The following TENM2 variants were observed in gnomAD, a reference collection of about 807,000 sequenced individuals.
The protein encoded by TENM2 is teneurin transmembrane protein 2.
TENM2 carries 52 observed loss-of-function variants against 245.2 expected under a neutral mutation model. That is an observed-to-expected ratio of 0.21 (90% CI 0.17 to 0.27). The LOEUF (loss-of-function observed/expected upper bound fraction) is 0.27. Among genes scored for constraint, TENM2 ranks in the 10% least tolerant of loss-of-function variants. The pLI is 1.00. For missense variants in TENM2, 3,046 were observed against 3,666.8 expected (o/e 0.83, Z 4.37); for synonymous variants, 1,363 against 1,438.9 (o/e 0.95, Z 1.19).
chr5:168,002,054 G>C (rs577551629), intron 5 of TENM2, among the ~76,000 whole-genome samples: 3 of 152,324 alleles, frequency 2.0e-5, no homozygotes, highest in South Asian at 4.1e-4. Context: ...TTCTGGGAAA[G>C]AGAAAAAAAT....
intron 2 of TENM2, among the ~76,000 whole-genome samples, chr5:167,619,728 T>A (rs542110932): frequency 6.6e-5 from 10 of 152,322 alleles, no homozygotes; most frequent in Non-Finnish European, 1.3e-4. Flanking sequence ...TTTAATAGAC[T>A]GCAGTCAGGC....
chr5:167,868,382 A>G (rs1772514534), intron 2 of TENM2, among the ~76,000 whole-genome samples: 1 of 152,088 alleles, frequency 6.6e-6, no homozygotes, highest in African/African-American at 2.4e-5. Context: ...ATAATATGAT[A>G]TAAATACAAA....
chr5:167,608,378 G>A (rs1054116699), intron 2 of TENM2, among the ~76,000 whole-genome samples: 12 of 152,158 alleles, frequency 7.9e-5, no homozygotes, highest in African/African-American at 2.9e-4. Flanking sequence ...GGAAAAATAA[G>A]TTGTGAAAGT....
intron 4 of TENM2, among the ~76,000 whole-genome samples, chr5:167,964,778 A>T (rs1035847152): frequency 5.3e-5 from 8 of 152,288 alleles, no homozygotes; most frequent in Admixed American, 2.0e-4. Context: ...AAGGTGCCAG[A>T]AAGAGAAAGC....
chr5:167,607,982 G>T (rs1037553396), intron 2 of TENM2, among the ~76,000 whole-genome samples: 3 of 151,792 alleles, frequency 2.0e-5, no homozygotes, highest in African/African-American at 7.3e-5. Flanking sequence ...GTTTTAGAGC[G>T]CTTGGCCAAC....
intron 2 of TENM2, among the ~76,000 whole-genome samples, chr5:167,864,284 C>T (rs1161760572): frequency 6.6e-6 from 1 of 152,140 alleles, no homozygotes; most frequent in African/African-American, 2.4e-5. Flanking sequence ...AGAATGAAAA[C>T]AATTACCATT....
intron 2 of TENM2, among the ~76,000 whole-genome samples, chr5:167,689,290 G>A (rs968024200): frequency 6.6e-5 from 10 of 152,172 alleles, no homozygotes; most frequent in African/African-American, 1.2e-4. Flanking sequence ...CAGCCAGGAC[G>A]CTGGGGGGTC....
At chr5:167,855,323 C>A (rs1300288343) in intron 2 of TENM2, among the ~76,000 whole-genome samples, 2 of 152,114 alleles carry the variant, frequency 1.3e-5, no homozygotes, top group Non-Finnish European at 2.9e-5. Flanking sequence ...ATGGCACCCA[C>A]CTCTTGACCT....
At chr5:167,669,548 T>C (rs1392934343) in intron 2 of TENM2, among the ~76,000 whole-genome samples, 1 of 152,092 alleles carries the variant, frequency 6.6e-6, no homozygotes, top group Admixed American at 6.6e-5. Context: ...GATTCTCTCA[T>C]TCACAAATAT....
chr5:168,236,623 C>T (rs772260609), intron 25 of TENM2, among the ~76,000 whole-genome samples: 1 of 152,062 alleles, frequency 6.6e-6, no homozygotes, highest in Non-Finnish European at 1.5e-5. Context: ...ACTGCCATTA[C>T]CACACTAAAA....
At chr5:168,031,155 A>G (rs62383383) in intron 5 of TENM2, among the ~76,000 whole-genome samples, 27,141 of 152,146 alleles carry the variant, frequency 0.18, 2,612 homozygotes, top group Admixed American at 0.29. Context: ...CAGCTTCAAG[A>G]GTCAGTGCAG....
intron 2 of TENM2, among the ~76,000 whole-genome samples, chr5:167,607,808 C>T (rs1777164256): frequency 6.6e-6 from 1 of 152,190 alleles, no homozygotes; most frequent in South Asian, 2.1e-4. Flanking sequence ...CCAGTCTAGT[C>T]TAGGCGATAT....
chr5:167,108,738 C>T, the TENM2 span, among the ~76,000 whole-genome samples: 8 of 152,174 alleles, frequency 5.3e-5, no homozygotes, highest in East Asian at 5.8e-4. Flanking sequence ...ATATGTAAGA[C>T]GTAGGGGACA....
Position 167,661,093 on chromosome 5 carries a change from G to A in TENM2, c.503-214893G>A, listed in dbSNP as rs190305915. ...TTTTCCTTAGATGCCATTAGGGCAC[G>A]TTGCACTGAGCATGTACCTTATTTA... On this transcript the variant is annotated intron_variant, in intron 2 of 28. Transcript: ENST00000518659. Among the ~76,000 whole-genome samples the A allele has an allele frequency of 8.4e-4, 128 of 152,240 alleles. 1 individual carries two copies. Among genetic ancestry groups the A allele is most frequent in the African/African-American group, 2.7e-3 (114 of 41,544 alleles).
intron 1 of TENM2, among the ~76,000 whole-genome samples, chr5:167,369,733 CA>C (rs1211659697): frequency 6.6e-6 from 1 of 152,130 alleles, no homozygotes; most frequent in Non-Finnish European, 1.5e-5. Flanking sequence ...GCTTGCATAA[CA>C]AACATTTAGA....
the TENM2 span, among the ~76,000 whole-genome samples, chr5:167,166,501 G>T: frequency 6.6e-6 from 1 of 152,130 alleles, no homozygotes; most frequent in Non-Finnish European, 1.5e-5. Context: ...AATTAAGTTT[G>T]TGAAAACGTT....
At chr5:167,763,727 C>A (rs189772103) in intron 2 of TENM2, among the ~76,000 whole-genome samples, 1 of 152,102 alleles carries the variant, frequency 6.6e-6, no homozygotes, top group Non-Finnish European at 1.5e-5. Flanking sequence ...TGTTTTAATA[C>A]CTAGAATTTT....
chr5:167,548,757 C>T (rs1289653882), intron 2 of TENM2, among the ~76,000 whole-genome samples: 3 of 152,098 alleles, frequency 2.0e-5, no homozygotes, highest in Non-Finnish European at 4.4e-5. Context: ...CAAATGGTTA[C>T]ACATACACAC....
chr5:167,666,939 T>A (rs1458543136), intron 2 of TENM2, among the ~76,000 whole-genome samples: 1 of 152,092 alleles, frequency 6.6e-6, no homozygotes, highest in Non-Finnish European at 1.5e-5. Context: ...CTGAAAGGGG[T>A]TTCTGGGATA....
Sources: gnomAD v4.1 joint callset for allele counts (sites outside exome capture counted in the v4.1 genomes callset) on GRCh38, gnomAD v4.1.1 for gene constraint, MANE v1.5 for transcripts, NCBI Gene and HGNC (gene_info 2026-07-23, HGNC 2026-07-21) for gene names.